BTBD9: variants seen among roughly 807,000 people sequenced by gnomAD.
The protein encoded by BTBD9 is BTB/POZ domain-containing protein 9.
BTBD9 carries 49 observed loss-of-function variants against 64.3 expected under a neutral mutation model. That is an observed-to-expected ratio of 0.76 (90% confidence interval 0.61 to 0.97). The LOEUF is 0.97. Among genes scored for constraint, BTBD9 ranks in the 50% least tolerant of loss-of-function variants. BTBD9 has a pLI of 0.00. For missense variants in BTBD9, 598 were observed against 762.1 expected, an observed-to-expected ratio of 0.78 and a Z score of 2.53; for synonymous variants, 260 against 274.7, an observed-to-expected ratio of 0.95 and a Z score of 0.53.
intron 1 of BTBD9, among the ~76,000 whole-genome samples, chr6:38,608,298 A>G (rs1458519228): frequency 6.6e-6 from 1 of 152,156 alleles, no homozygotes; most frequent in Admixed American, 6.5e-5. Context: ...TGAAAACTGC[A>G]TGATCTGTAT....
At chr6:38,628,234 A>C (rs1472667785) in intron 1 of BTBD9, among the ~76,000 whole-genome samples, 1 of 152,234 alleles carries the variant, frequency 6.6e-6, no homozygotes, top group African/African-American at 2.4e-5. Context: ...GGCACCTAAC[A>C]TGAAACATAA....
At chr6:38,570,373 C>A (rs879325617) in intron 6 of BTBD9, among the ~76,000 whole-genome samples, 2 of 152,188 alleles carry the variant, frequency 1.3e-5, no homozygotes, top group African/African-American at 2.4e-5. Flanking sequence ...GACCTGGTTA[C>A]AAATTTAGCT....
At chr6:38,395,512 C>T (rs1358575921) in intron 6 of BTBD9, among the ~76,000 whole-genome samples, 1 of 152,158 alleles carries the variant, frequency 6.6e-6, no homozygotes, top group Non-Finnish European at 1.5e-5. Flanking sequence ...TCACCAGATG[C>T]CAAAATTGTT....
intron 6 of BTBD9, among the ~76,000 whole-genome samples, chr6:38,410,154 T>A (rs1767350976): frequency 6.6e-6 from 1 of 152,196 alleles, no homozygotes. Flanking sequence ...AACATCTATC[T>A]CTTATATCTT....
At chr6:38,203,148 CTAT>C (rs1762522049) in intron 9 of BTBD9, among the ~76,000 whole-genome samples, 1 of 151,876 alleles carries the variant, frequency 6.6e-6, no homozygotes, top group Non-Finnish European at 1.5e-5. Context: ...AGTTAGAATG[CTAT>C]TATTAAAAAG....
At chr6:38,437,231 C>G (rs1768783422) in intron 6 of BTBD9, among the ~76,000 whole-genome samples, 1 of 152,182 alleles carries the variant, frequency 6.6e-6, no homozygotes. Flanking sequence ...AACGACAAAG[C>G]TCCCCTGGAT....
intron 3 of BTBD9, 56 bp downstream of exon 3, chr6:38,593,908 A>G: frequency 7.1e-7 from 1 of 1,401,136 alleles, no homozygotes; most frequent in Non-Finnish European, 9.9e-7. Flanking sequence ...CTTCTACAGT[A>G]TAGGTATAAA....
intron 8 of BTBD9, among the ~76,000 whole-genome samples, chr6:38,266,605 G>GAAA (rs1273116638): frequency 3.7e-5 from 4 of 107,298 alleles, no homozygotes; most frequent in Admixed American, 2.2e-4. Context: ...AGGAAAGAAA[G>GAAA]GAAAGAAAGA....
intron 9 of BTBD9, among the ~76,000 whole-genome samples, chr6:38,231,387 T>C (rs1458385202): frequency 6.6e-6 from 1 of 152,218 alleles, no homozygotes; most frequent in South Asian, 2.1e-4. Context: ...CCTGCAGCTG[T>C]GTGGCTACAG....
At chr6:38,564,692 T>C (rs534816311) in intron 6 of BTBD9, among the ~76,000 whole-genome samples, 5 of 152,052 alleles carry the variant, frequency 3.3e-5, no homozygotes, top group Admixed American at 3.3e-4. Flanking sequence ...ATTGAGACCA[T>C]CCTGGCTAAC....
intron 6 of BTBD9, among the ~76,000 whole-genome samples, chr6:38,516,007 G>C (rs1377774859): frequency 2.0e-5 from 3 of 152,132 alleles, no homozygotes; most frequent in Non-Finnish European, 4.4e-5. Flanking sequence ...ATACATTGTA[G>C]TTACATAACA....
At chr6:38,409,300 G>C (rs1289017892) in intron 6 of BTBD9, among the ~76,000 whole-genome samples, 1 of 152,094 alleles carries the variant, frequency 6.6e-6, no homozygotes, top group Non-Finnish European at 1.5e-5. Context: ...AACATAATGT[G>C]AATTAACTTA....
intron 9 of BTBD9, among the ~76,000 whole-genome samples, chr6:38,255,850 G>A (rs1764557992): frequency 6.6e-6 from 1 of 152,112 alleles, no homozygotes; most frequent in Non-Finnish European, 1.5e-5. Flanking sequence ...CTCACTCATA[G>A]GTGGGAATTG....
At chr6:38,183,703 T>G (rs779443999) in intron 10 of BTBD9, among the ~76,000 whole-genome samples, 3 of 152,252 alleles carry the variant, frequency 2.0e-5, no homozygotes. Flanking sequence ...TATATTTTTG[T>G]GCAACCGAAT....
intron 6 of BTBD9, among the ~76,000 whole-genome samples, chr6:38,411,516 A>G (rs1343031442): frequency 6.6e-6 from 1 of 152,192 alleles, no homozygotes; most frequent in East Asian, 1.9e-4. Flanking sequence ...AATCGGATAC[A>G]TTCTTTCTCA....
At chr6:38,417,440 G>C (rs1767716460) in intron 6 of BTBD9, among the ~76,000 whole-genome samples, 1 of 152,130 alleles carries the variant, frequency 6.6e-6, no homozygotes, top group South Asian at 2.1e-4. Context: ...AAAGGGTAAG[G>C]CTTTGTCTTA....
chr6:38,303,891 GTA>G (rs1349437954), intron 7 of BTBD9, among the ~76,000 whole-genome samples: 3 of 106,194 alleles, frequency 2.8e-5, no homozygotes, highest in Admixed American at 9.1e-5. Context: ...ACACACATGT[GTA>G]TATATATACG....
chr6:38,427,744 C>T (rs944607155), intron 6 of BTBD9, among the ~76,000 whole-genome samples: 1 of 151,900 alleles, frequency 6.6e-6, no homozygotes, highest in African/African-American at 2.4e-5. Context: ...AGATCTGTTT[C>T]CACTGCATAA....
intron 7 of BTBD9, among the ~76,000 whole-genome samples, chr6:38,307,402 CA>C (rs1178054731): frequency 6.6e-6 from 1 of 152,156 alleles, no homozygotes; most frequent in Non-Finnish European, 1.5e-5. Flanking sequence ...ATTACATCAC[CA>C]AAGAAAAACC....
Sources: allele counts gnomAD v4.1 joint callset (sites outside exome capture counted in the v4.1 genomes callset), GRCh38; gene constraint gnomAD v4.1.1; transcripts MANE v1.5; gene names NCBI Gene and HGNC (gene_info 2026-07-23, HGNC 2026-07-21).